The following RASA3 variants were observed in gnomAD, a reference collection of about 807,000 sequenced individuals.
RASA3 encodes the protein ras GTPase-activating protein 3.
In RASA3, 73 loss-of-function variants were observed where a neutral mutation model predicts 110.0. The observed-to-expected ratio is 0.66, with a 90% CI of 0.55 to 0.81. The LOEUF (loss-of-function observed/expected upper bound fraction) is 0.81, where lower values mean the gene tolerates loss of function less well. Among genes scored for constraint, RASA3 ranks in the 30% least tolerant of loss-of-function variants. The pLI is 0.00. For synonymous variants in RASA3, 500 were observed against 451.4 expected (o/e 1.11, Z -1.37); for missense variants, 976 against 1,113.2 (o/e 0.88, Z 1.75).
rs2079255958 is a variant in RASA3 at position 114,056,938 on chromosome 13, G to T, written c.174-4783C>A. 6.6e-6 allele frequency among the ~76,000 whole-genome samples: 1 copy of T among 152,120 alleles called. No individual in the cohort carries two copies. The highest frequency in any genetic ancestry group is 1.5e-5 in the Non-Finnish European group (1 of 68,018). The stretch of plus-strand genomic sequence containing the variant: ...AGAACCTTGCTCCTGAATCGCAGCA[G>T]GGGAGGCAGCGCTTTGGGGCCCTCT... On this transcript the variant is annotated intron_variant, in intron 2 of 23. Coordinates refer to ENST00000334062, the MANE Select transcript of RASA3 (RefSeq NM_007368.4). This position sits in a 1 kb window ranked among gnomAD's most constrained non-coding sequence, Gnocchi z 5.7.
chr13:114,020,456 C>T (rs370445788), intron 9 of RASA3, among the ~76,000 whole-genome samples: 78 of 152,316 alleles, frequency 5.1e-4, no homozygotes, highest in African/African-American at 1.7e-3. Flanking sequence ...GGCCTGTGCC[C>T]GTGCCGTCTT....
chr13:114,004,079 T>C (rs1441827624), intron 18 of RASA3, among the ~76,000 whole-genome samples: 1 of 152,250 alleles, frequency 6.6e-6, no homozygotes, highest in Non-Finnish European at 1.5e-5. Context: ...TTGGTTAATA[T>C]ATGATTAAGT....
intron 8 of RASA3, among the ~76,000 whole-genome samples, chr13:114,023,930 G>A (rs918068414): frequency 7.2e-5 from 11 of 152,288 alleles, no homozygotes; most frequent in Non-Finnish European, 1.2e-4. Flanking sequence ...GTGCTGACCC[G>A]CCAGGCCCTG....
intron 21 of RASA3, among the ~76,000 whole-genome samples, chr13:113,994,090 A>G (rs942265997): frequency 6.6e-6 from 1 of 152,260 alleles, no homozygotes; most frequent in Non-Finnish European, 1.5e-5. Context: ...AAAATTTCTG[A>G]AACGTCTGTA....
At chr13:114,052,225 G>T (rs561107908) in intron 2 of RASA3, 70 bp from the exon 3 acceptor site, 2 of 1,038,694 alleles carry the variant, frequency 1.9e-6, no homozygotes, top group Non-Finnish European at 3.0e-6. Context: ...GGGCACACAC[G>T]TGTGGTCTTA....
At chr13:113,981,001 C>T (rs373237259) in intron 23 of RASA3, among the ~76,000 whole-genome samples, 15 of 152,266 alleles carry the variant, frequency 9.9e-5, no homozygotes, top group African/African-American at 3.1e-4. Context: ...TGAATGAGCC[C>T]GTGTGGGGGC....
At chr13:114,003,349 G>A (rs1418597123) in intron 18 of RASA3, among the ~76,000 whole-genome samples, 3 of 152,312 alleles carry the variant, frequency 2.0e-5, no homozygotes, top group East Asian at 3.9e-4. Context: ...GGAGGCGCCT[G>A]TCCTTGAACC....
rs910999115 is a variant in RASA3 at position 114,112,941 on chromosome 13, G to A, written c.55+19494C>T. ...TAGCTCAGGGAGGGCTGGAGGGTGG[G>A]ACTAGGAGGCACTAAAGGCCTGGGG... On this transcript the variant is annotated intron_variant, in intron 1 of 23. Transcript: ENST00000334062. This position sits in a 1 kb window ranked among gnomAD's most constrained non-coding sequence, Gnocchi z 4.8. Among the ~76,000 whole-genome samples the A allele has an allele frequency of 2.6e-5, 4 of 152,154 alleles. No individual in the cohort carries two copies. The highest frequency in any genetic ancestry group is 4.4e-5 in the Non-Finnish European group (3 of 68,022).
intron 15 of RASA3, among the ~76,000 whole-genome samples, chr13:114,012,068 C>T (rs950366989): frequency 6.6e-6 from 1 of 152,022 alleles, no homozygotes; most frequent in Non-Finnish European, 1.5e-5. Context: ...ACATTGGGGC[C>T]TGGAGAAAAT....
chr13:114,105,719 CTCTGAG>C (rs1302495630), intron 1 of RASA3, among the ~76,000 whole-genome samples: 12 of 152,236 alleles, frequency 7.9e-5, no homozygotes, highest in Non-Finnish European at 1.5e-4. Flanking sequence ...CCAGGCCAGG[CTCTGAG>C]CAGCCCGTCC....
In RASA3 at chr13:113,979,332, C is replaced by A; in HGVS notation, c.*15G>T. The A allele has an allele frequency of 1.3e-6, 2 of 1,571,282 alleles. No individual in the cohort carries two copies. Among genetic ancestry groups the A allele is most frequent in the Non-Finnish European group, 1.8e-6 (2 of 1,141,420 alleles). On this transcript the variant is annotated 3_prime_UTR_variant, in exon 24 of 24. Coordinates refer to ENST00000334062, the MANE Select transcript of RASA3 (RefSeq NM_007368.4). ...TGGGCAGCTTGCTGGCGCCACTGGG[C>A]GCGTCCCGCAGACTTTAAATGGAAT...
Position 114,011,326 on chromosome 13 carries a change from T to C in RASA3, c.1513-78A>G. ...ACTGTCCCAGATCGAGGGGACGAAATGCAGGAGTCACCTCAGAGCTGCTGT... is the reference window on the plus strand; with the variant it reads ...ACTGTCCCAGATCGAGGGGACGAAACGCAGGAGTCACCTCAGAGCTGCTGT... On this transcript the variant is annotated intron_variant, in intron 15 of 23. Transcript: ENST00000334062. This position sits in a 1 kb window ranked among gnomAD's most constrained non-coding sequence, Gnocchi z 4.8. 2.4e-6 allele frequency: 3 copies of C among 1,257,528 alleles called. No homozygotes were observed. Among genetic ancestry groups the C allele is most frequent in the Non-Finnish European group, 3.4e-6 (3 of 871,380 alleles). The allele number at this position is 1,257,528 out of a possible 1,614,324, so 77.9% of individuals were successfully genotyped here. A position where few individuals can be genotyped will look rare whatever the true frequency, so the allele number is the denominator to read the frequency against.
chr13:114,081,035 G>A (rs111250100), intron 1 of RASA3, among the ~76,000 whole-genome samples: 2,579 of 138,182 alleles, frequency 0.019, no homozygotes, highest in African/African-American at 0.051. Context: ...CCACGGCAGA[G>A]GGCCGTCCAC....
chr13:114,093,262 T>A (rs2079907333), intron 1 of RASA3, among the ~76,000 whole-genome samples: 1 of 152,184 alleles, frequency 6.6e-6, no homozygotes, highest in Admixed American at 6.5e-5. Context: ...TAGTGATGAG[T>A]CTCCTCAGCT....
At chr13:114,060,037 A>AC (rs2079310649) in intron 2 of RASA3, among the ~76,000 whole-genome samples, 1 of 152,164 alleles carries the variant, frequency 6.6e-6, no homozygotes, top group Admixed American at 6.5e-5. Flanking sequence ...CGGTGAGGAG[A>AC]CCCGCAGGAG....
At chr13:113,991,848 A>ACATG (rs1348689274) in intron 22 of RASA3, among the ~76,000 whole-genome samples, 1 of 152,226 alleles carries the variant, frequency 6.6e-6, no homozygotes, top group Non-Finnish European at 1.5e-5. Context: ...ATGTTTCCAC[A>ACATG]CATGCACAAA....
intron 4 of RASA3, among the ~76,000 whole-genome samples, chr13:114,038,917 G>A (rs1263319358): frequency 1.3e-5 from 2 of 152,224 alleles, no homozygotes; most frequent in East Asian, 1.9e-4. Context: ...TCCTCACAAG[G>A]AACCTATTTT....
At chr13:114,040,174 C>A (rs980551602) in intron 4 of RASA3, among the ~76,000 whole-genome samples, 2 of 152,124 alleles carry the variant, frequency 1.3e-5, no homozygotes, top group South Asian at 2.1e-4. Context: ...AAAATCCATG[C>A]ACGGAGCCCA....
intron 4 of RASA3, among the ~76,000 whole-genome samples, chr13:114,037,717 G>C (rs2054305261): frequency 6.6e-6 from 1 of 152,196 alleles, no homozygotes; most frequent in African/African-American, 2.4e-5. Flanking sequence ...AAATAGCATA[G>C]AATACACAGA....
Sources: gnomAD v4.1 joint callset for allele counts (sites outside exome capture counted in the v4.1 genomes callset) on GRCh38, gnomAD v4.1.1 for gene constraint, Gnocchi (gnomAD v3.1) non-coding constraint, MANE v1.5 for transcripts, NCBI Gene and HGNC (gene_info 2026-07-23, HGNC 2026-07-21) for gene names.